The following AGO2 variants were observed in gnomAD, a reference collection of about 807,000 sequenced individuals.
The protein encoded by AGO2 is protein argonaute-2.
A neutral mutation model predicts 102.3 loss-of-function variants in AGO2; 5 were observed. The ratio of observed to expected loss-of-function variants is 0.05; its 90% CI spans 0.03 to 0.10. The LOEUF is 0.10. Ranked by LOEUF, AGO2 falls within the 10% of genes least tolerant of loss-of-function variation. AGO2 has a pLI of 1.00. For synonymous variants in AGO2, 449 were observed against 473.1 expected, an observed-to-expected ratio of 0.95 and a Z score of 0.66; for missense variants, 541 against 1,183.7, an observed-to-expected ratio of 0.46 and a Z score of 7.97.
chr8:140,628,224 G>A (rs775530323), intron 1 of AGO2, among the ~76,000 whole-genome samples: 39 of 152,230 alleles, frequency 2.6e-4, no homozygotes, highest in Non-Finnish European at 5.1e-4. Context: ...CCCAGAGCTC[G>A]GCCCAGCCTG....
Position 140,532,114 on chromosome 8 carries a change from C to T in AGO2, c.2510G>A (p.Arg837Gln), listed in dbSNP as rs2132852940. ...CGCCTTGGCCAGTGCTTGGTGGTCT[C>T]GCCCGTTACTCTGCCCAGAGGTATG... ...GSHTSGQSNGRDHQALAKAVQ... is the reference protein window; with the variant it reads ...GSHTSGQSNGQDHQALAKAVQ... The change falls in exon 19 of 19, where the codon CGA becomes CAA. Residue 837 changes from arginine to glutamine, a missense_variant. By Grantham distance (43) the Arg-to-Gln change is conservative. Coordinates refer to ENST00000220592, the MANE Select transcript of AGO2 (RefSeq NM_012154.5). The T allele has an allele frequency of 1.2e-6, 2 of 1,614,132 alleles. No individual in the cohort carries two copies. Among genetic ancestry groups the T allele is most frequent in the Non-Finnish European group, 1.7e-6 (2 of 1,180,032 alleles).
At chr8:140,591,148 G>A (rs1422217795) in intron 1 of AGO2, among the ~76,000 whole-genome samples, 7 of 152,248 alleles carry the variant, frequency 4.6e-5, no homozygotes, top group East Asian at 3.8e-4. Flanking sequence ...CAGCATCTTC[G>A]CACTTCTGTT....
At chr8:140,565,068 AG>A (rs2073258076) in intron 3 of AGO2, among the ~76,000 whole-genome samples, 1 of 152,108 alleles carries the variant, frequency 6.6e-6, no homozygotes, top group Non-Finnish European at 1.5e-5. Context: ...TGGGAGGCAG[AG>A]GTTGCAGTGA....
rs1385738338 is a variant in AGO2 at position 140,539,226 on chromosome 8, G to A, written c.2169+94C>T. The A allele has an allele frequency of 2.0e-6, 3 of 1,487,910 alleles. No homozygotes were observed. In the African/African-American group the frequency reaches 4.4e-5, roughly 22 times the overall value. 92.2% of individuals were successfully genotyped at this position (1,487,910 alleles called of 1,614,324 possible). On this transcript the variant is annotated intron_variant, in intron 16 of 18. Coordinates refer to ENST00000220592, the MANE Select transcript of AGO2 (RefSeq NM_012154.5). This position sits in a 1 kb window ranked among gnomAD's most constrained non-coding sequence, Gnocchi z 4.7. ...AGTCACCCTAGAGCCTGGGACAGCG[G>A]CACTGTGGCCAGCAGGTTCTCTTGT...
chr8:140,614,856 T>C (rs1481329916), intron 1 of AGO2, among the ~76,000 whole-genome samples: 1 of 152,184 alleles, frequency 6.6e-6, no homozygotes, highest in Non-Finnish European at 1.5e-5. Context: ...CCTCGGTAAC[T>C]GCTGCTGCTG....
chr8:140,573,714 T>G (rs2073421650), intron 2 of AGO2, among the ~76,000 whole-genome samples: 1 of 152,192 alleles, frequency 6.6e-6, no homozygotes, highest in Admixed American at 6.5e-5. Flanking sequence ...GAACAGAGCT[T>G]GTGACATTTG....
chr8:140,546,732 T>A (rs547518659), intron 13 of AGO2, among the ~76,000 whole-genome samples: 4 of 152,336 alleles, frequency 2.6e-5, no homozygotes, highest in African/African-American at 9.6e-5. Context: ...ATTCTACGTA[T>A]TCTCCGTTGT....
chr8:140,534,052 C>T (rs868177676), intron 17 of AGO2, among the ~76,000 whole-genome samples: 1 of 152,216 alleles, frequency 6.6e-6, no homozygotes, highest in African/African-American at 2.4e-5. Flanking sequence ...CTGCCACCTG[C>T]TCTGTGTCTA....
At chr8:140,570,353 G>GT (rs1247168917) in intron 3 of AGO2, among the ~76,000 whole-genome samples, 2 of 152,104 alleles carry the variant, frequency 1.3e-5, no homozygotes, top group Non-Finnish European at 2.9e-5. Context: ...AGCCTCCCAA[G>GT]TAGCTGTGAC....
rs2073082909 is a variant in AGO2, at chr8:140,555,701, G to C, written c.1269+195C>G. 9 of 781,118 alleles carry C rather than the reference G, an allele frequency of 1.2e-5. No homozygotes were observed. In the South Asian group the frequency reaches 1.6e-4, roughly 14 times the overall value. 48.4% of individuals were successfully genotyped at this position (781,118 alleles called of 1,614,324 possible). On this transcript the variant is annotated intron_variant, in intron 10 of 18. Transcript: ENST00000220592. ...TTCTGAAAACATTAAGGATAATTCT[G>C]AAAAACTTTAAAAAGGACCAAGGAA...
In AGO2 at chr8:140,540,697, C is replaced by G. The variant is rs2072781242; in HGVS notation, c.2034+467G>C. ...CCAGACAGTGGCCGCGTCCTGGCGACCCTACCTTCAACAGAGCTGCCACCT... is the reference window on the plus strand; with the variant it reads ...CCAGACAGTGGCCGCGTCCTGGCGAGCCTACCTTCAACAGAGCTGCCACCT... On this transcript the variant is annotated intron_variant, in intron 15 of 18. Transcript: ENST00000220592. This position sits in a 1 kb window ranked among gnomAD's most constrained non-coding sequence, Gnocchi z 5.0. Among the ~76,000 whole-genome samples, 1 of 152,224 alleles carries G rather than the reference C, an allele frequency of 6.6e-6. No individual in the cohort carries two copies. Among genetic ancestry groups the G allele is most frequent in the South Asian group, 2.1e-4 (1 of 4,834 alleles).
intron 9 of AGO2, 73 bp downstream of exon 9, chr8:140,556,094 G>T: frequency 1.2e-6 from 2 of 1,610,482 alleles, no homozygotes; most frequent in Non-Finnish European, 8.5e-7. Context: ...TCCGTTCCAA[G>T]CATCAGAGGT....
At chr8:140,639,660 C>T (rs1483754162), upstream of AGO2, among the ~76,000 whole-genome samples, 4 of 152,188 alleles carry the variant, frequency 2.6e-5, no homozygotes, top group East Asian at 3.9e-4. Context: ...GTAGTCCCAG[C>T]TACTCAGGAG....
At chr8:140,573,009 ATTTT>A (rs11293451) in intron 2 of AGO2, 77 bp from the exon 3 acceptor site, 2,512 of 1,247,018 alleles carry the variant, frequency 2.0e-3, no homozygotes, top group Admixed American at 5.4e-3. Context: ...TTCTGACGCT[ATTTT>A]TTTTTTTTTT....
At chr8:140,564,785 A>G (rs2073253684) in intron 3 of AGO2, among the ~76,000 whole-genome samples, 1 of 152,124 alleles carries the variant, frequency 6.6e-6, no homozygotes, top group Non-Finnish European at 1.5e-5. Flanking sequence ...TCTACTAAAA[A>G]TACAAAAACT....
At chr8:140,585,403 C>T (rs1223803503) in intron 1 of AGO2, 92 bp from the exon 2 acceptor site, 73 of 1,430,616 alleles carry the variant, frequency 5.1e-5, no homozygotes, top group Non-Finnish European at 6.5e-5. Context: ...ATATGCCCCC[C>T]TCTGCTGTTT....
intron 17 of AGO2, among the ~76,000 whole-genome samples, chr8:140,534,812 C>A (rs1234678249): frequency 6.6e-6 from 1 of 152,226 alleles, no homozygotes; most frequent in Admixed American, 6.5e-5. Flanking sequence ...TAAGGTTCCT[C>A]CTGTCCCCCG....
intron 1 of AGO2, among the ~76,000 whole-genome samples, chr8:140,627,004 C>G (rs942281769): frequency 7.2e-5 from 11 of 152,026 alleles, no homozygotes; most frequent in African/African-American, 2.7e-4. Flanking sequence ...GGTCTCTGAG[C>G]ACACCAGGCG....
intron 2 of AGO2, among the ~76,000 whole-genome samples, chr8:140,582,435 T>C (rs2073571697): frequency 6.6e-6 from 1 of 152,214 alleles, no homozygotes. Flanking sequence ...GCTCAACTGG[T>C]AAGCGTAACG....
Sources: allele counts gnomAD v4.1 joint callset (sites outside exome capture counted in the v4.1 genomes callset), GRCh38; gene constraint gnomAD v4.1.1; non-coding constraint Gnocchi (gnomAD v3.1); transcripts MANE v1.5; gene names NCBI Gene and HGNC (gene_info 2026-07-23, HGNC 2026-07-21).